Variants in AGAP1 observed in about 807,000 individuals in gnomAD.
The protein encoded by AGAP1 is arf-GAP with GTPase, ANK repeat and PH domain-containing protein 1.
Under a neutral mutation model 105.3 loss-of-function variants are expected in AGAP1, and 29 were observed. The ratio of observed to expected loss-of-function variants is 0.28; its 90% CI spans 0.21 to 0.38. The LOEUF (loss-of-function observed/expected upper bound fraction) is 0.38, where lower values mean the gene tolerates loss of function less well. Ranked by LOEUF, AGAP1 falls within the 10% of genes least tolerant of loss-of-function variation. The pLI, the probability that AGAP1 is intolerant of heterozygous loss-of-function variation, is 1.00. For missense variants in AGAP1, 998 were observed against 1,165.1 expected, an observed-to-expected ratio of 0.86 and a Z score of 2.09; for synonymous variants, 509 against 485.9, an observed-to-expected ratio of 1.05 and a Z score of -0.63.
intron 9 of AGAP1, among the ~76,000 whole-genome samples, chr2:235,812,090 G>A (rs997863905): frequency 6.6e-6 from 1 of 152,146 alleles, no homozygotes; most frequent in African/African-American, 2.4e-5. Flanking sequence ...AGGGCGCTGC[G>A]GGGGACCCTC....
chr2:235,755,542 G>A (rs1030122260), intron 6 of AGAP1, among the ~76,000 whole-genome samples: 31 of 152,304 alleles, frequency 2.0e-4, no homozygotes, highest in African/African-American at 6.5e-4. Flanking sequence ...CCGGGTTCAA[G>A]CAGTTCTCCT....
In AGAP1 at chr2:235,934,460, C is replaced by G. The variant is rs2052889997; in HGVS notation, c.1483+3537C>G. 6.6e-6 allele frequency among the ~76,000 whole-genome samples: 1 copy of G among 152,184 alleles called. No individual in the cohort carries two copies. The highest frequency in any genetic ancestry group is 2.4e-5 in the African/African-American group (1 of 41,444). ...TCCCCCCTTTAGTGTGCTGCTTCGT[C>G]AAGTGGCCAGACCCCAGCAATGTTT... is the stretch of plus-strand genomic sequence containing the variant. On this transcript the variant is annotated intron_variant, in intron 12 of 17. Coordinates refer to ENST00000304032, the MANE Select transcript of AGAP1 (RefSeq NM_001037131.3). The surrounding 1 kb of genome is among the most constrained non-coding windows in gnomAD (Gnocchi z 4.9).
rs557326008 is a variant in AGAP1 at position 235,532,408 on chromosome 2, G to T, written c.163+37559G>T. On this transcript the variant is annotated intron_variant, in intron 1 of 17. Transcript: ENST00000304032. ...ATTTTTGTATTTTTGTAGAGATGGG[G>T]TTTCACCCAGAATGGTGTCAGACTT... 9.9e-5 allele frequency among the ~76,000 whole-genome samples: 15 copies of T among 152,268 alleles called. No individual in the cohort carries two copies. The South Asian group carries it at 3.1e-3, about 32-fold the overall frequency.
At position 235,930,880 on chromosome 2, in the gene AGAP1, G is replaced by A. The variant is rs1057197331; in HGVS notation, c.1440G>A (p.Gln480=). The A allele has an allele frequency of 1.9e-6, 3 of 1,614,164 alleles. No individual in the cohort carries two copies. The highest frequency in any genetic ancestry group is 2.5e-6 in the Non-Finnish European group (3 of 1,180,022). Reference sequence around the variant, plus strand: ...CCTACTCAGTCTCCAGTGCCGACCAGTGGAGTGAGGCTACGGTCATTGCAA... The same window carrying A: ...CCTACTCAGTCTCCAGTGCCGACCAATGGAGTGAGGCTACGGTCATTGCAA... ...QRSYSVSSAD[Q]WSEATVIANS... The change falls in exon 12 of 18, where the codon CAG becomes CAA. Residue 480 remains glutamine, a synonymous_variant. Transcript: ENST00000304032. This position sits in a 1 kb window ranked among gnomAD's most constrained non-coding sequence, Gnocchi z 7.9.
rs2052684543 is a variant in AGAP1, at chr2:235,930,760, C to T, written c.1325-5C>T. On this transcript the variant is annotated splice_region_variant and splice_polypyrimidine_tract_variant and intron_variant, in intron 11 of 17. Transcript: ENST00000304032. This position sits in a 1 kb window ranked among gnomAD's most constrained non-coding sequence, Gnocchi z 7.9. ...GTGGTGTTCACCTGACTTGTTTATT[C>T]CTAGGGAATGTCACTAGTGCATCTG... The T allele has an allele frequency of 1.9e-6, 3 of 1,613,276 alleles. No individual in the cohort carries two copies. The highest frequency in any genetic ancestry group is 2.5e-6 in the Non-Finnish European group (3 of 1,179,698).
At chr2:235,902,365 C>A (rs1011868536) in intron 10 of AGAP1, among the ~76,000 whole-genome samples, 1 of 152,168 alleles carries the variant, frequency 6.6e-6, no homozygotes, top group Admixed American at 6.5e-5. Context: ...TCCTCTACTA[C>A]CTTAAAATCC....
At chr2:235,530,031 C>A (rs1942988137) in intron 1 of AGAP1, among the ~76,000 whole-genome samples, 1 of 152,230 alleles carries the variant, frequency 6.6e-6, no homozygotes, top group Middle Eastern at 3.4e-3. Flanking sequence ...AAATGAGCCC[C>A]CAGACACTAA....
chr2:235,875,603 G>C lies in AGAP1; in HGVS notation c.1051-7742G>C, dbSNP rs550229982. ...TTTCCTGAGGTTCCGCCTGCAGCCC[G>C]GGCCTGTGGTGGAGTAGAGCTTCTC... On this transcript the variant is annotated intron_variant, in intron 9 of 17. Coordinates refer to ENST00000304032, the MANE Select transcript of AGAP1 (RefSeq NM_001037131.3). The surrounding 1 kb of genome is among the most constrained non-coding windows in gnomAD (Gnocchi z 4.0). 6.6e-6 allele frequency among the ~76,000 whole-genome samples: 1 copy of C among 152,120 alleles called. No individual in the cohort carries two copies. The highest frequency in any genetic ancestry group is 2.4e-5 in the African/African-American group (1 of 41,414).
chr2:235,811,962 C>A (rs1958166663), intron 9 of AGAP1, among the ~76,000 whole-genome samples: 1 of 152,198 alleles, frequency 6.6e-6, no homozygotes, highest in African/African-American at 2.4e-5. Flanking sequence ...CAGGAGGCAA[C>A]AGCCCTGTTG....
chr2:235,665,288 T>C lies in AGAP1; in HGVS notation c.164-43891T>C, dbSNP rs1365183748. ...TCCTTAAGGAAAAACACAGGAAGGA[T>C]GCAGGTGCTCAGAGGACCTTCTGGG... On this transcript the variant is annotated intron_variant, in intron 1 of 17. Transcript: ENST00000304032. The surrounding 1 kb of genome is among the most constrained non-coding windows in gnomAD (Gnocchi z 5.3). Among the ~76,000 whole-genome samples the C allele has an allele frequency of 1.3e-5, 2 of 152,224 alleles. No individual in the cohort carries two copies. The highest frequency in any genetic ancestry group is 3.9e-4 in the East Asian group (2 of 5,188).
chr2:235,634,994 C>A (rs1407717502), intron 1 of AGAP1, among the ~76,000 whole-genome samples: 2 of 151,948 alleles, frequency 1.3e-5, no homozygotes, highest in African/African-American at 4.8e-5. Context: ...AGTGGCCAAC[C>A]GTGTGTCCTC....
intron 9 of AGAP1, among the ~76,000 whole-genome samples, chr2:235,870,214 CACCAGGT>C (rs2049370601): frequency 6.6e-6 from 1 of 152,212 alleles, no homozygotes; most frequent in Admixed American, 6.5e-5. Flanking sequence ...TTGTCGTCTA[CACCAGGT>C]ACACGTGGAT....
intron 12 of AGAP1, among the ~76,000 whole-genome samples, chr2:235,949,050 T>C (rs2053618561): frequency 6.6e-6 from 1 of 152,214 alleles, no homozygotes; most frequent in South Asian, 2.1e-4. Context: ...CCTGCCTAGA[T>C]GGGGAGCAAG....
Position 236,002,334 on chromosome 2 carries a change from C to G in AGAP1, c.1645+33711C>G, listed in dbSNP as rs1429364214. 2.0e-5 allele frequency among the ~76,000 whole-genome samples: 3 copies of G among 152,214 alleles called. No homozygotes were observed. In the South Asian group the frequency reaches 6.2e-4, roughly 31 times the overall value. ...GTGACTCAAAGCTCAAATATCATCC[C>G]CACCTGGACAGTCTGCAAATGACTT... On this transcript the variant is annotated intron_variant, in intron 13 of 17. Transcript: ENST00000304032. The surrounding 1 kb of genome is among the most constrained non-coding windows in gnomAD (Gnocchi z 4.3).
At chr2:235,978,040 A>G (rs555670420) in intron 13 of AGAP1, among the ~76,000 whole-genome samples, 1 of 152,020 alleles carries the variant, frequency 6.6e-6, no homozygotes, top group Non-Finnish European at 1.5e-5. Context: ...TGGTGTGCAC[A>G]CACACACAGA....
chr2:235,984,643 C>T (rs561140773), intron 13 of AGAP1, among the ~76,000 whole-genome samples: 5 of 152,138 alleles, frequency 3.3e-5, no homozygotes, highest in African/African-American at 7.2e-5. Flanking sequence ...TATTGTTCCC[C>T]GCTCTGTGTC....
rs2059098000 is a variant in AGAP1, at chr2:236,092,796, A to G, written c.2115-27396A>G. Among the ~76,000 whole-genome samples the G allele has an allele frequency of 6.6e-6, 1 of 152,248 alleles. No homozygotes were observed. Among genetic ancestry groups the G allele is most frequent in the South Asian group, 2.1e-4 (1 of 4,836 alleles). On this transcript the variant is annotated intron_variant, in intron 16 of 17. Transcript: ENST00000304032. The surrounding 1 kb of genome is among the most constrained non-coding windows in gnomAD (Gnocchi z 4.7). ...ATAAAAGGTGGCTTCCCTTAAAAGA[A>G]TCAGGGCTCCTTGGAGAAATGGCTC...
chr2:235,653,947 T>C (rs899834355), intron 1 of AGAP1, among the ~76,000 whole-genome samples: 1 of 152,116 alleles, frequency 6.6e-6, no homozygotes, highest in African/African-American at 2.4e-5. Context: ...TCCCAGCTAC[T>C]TGGGAGGCTG....
chr2:236,072,609 T>C (rs2058532570), intron 16 of AGAP1: 1 of 152,148 alleles, frequency 6.6e-6, no homozygotes. Context: ...CAGCTAAATT[T>C]AATTTAATTT....
Sources: allele counts gnomAD v4.1 joint callset (sites outside exome capture counted in the v4.1 genomes callset), GRCh38; gene constraint gnomAD v4.1.1; non-coding constraint Gnocchi (gnomAD v3.1); transcripts MANE v1.5; gene names NCBI Gene and HGNC (gene_info 2026-07-23, HGNC 2026-07-21).